PEAK1: variants seen among roughly 807,000 people sequenced by gnomAD.
PEAK1 encodes the protein inactive tyrosine-protein kinase PEAK1.
PEAK1 carries 54 observed loss-of-function variants against 124.7 expected under a neutral mutation model. The ratio of observed to expected loss-of-function variants is 0.43; its 90% confidence interval spans 0.35 to 0.54. The LOEUF is 0.54. Among genes scored for constraint, PEAK1 ranks in the 20% least tolerant of loss-of-function variants. The probability of loss-of-function intolerance (pLI) is 0.01; values close to 1 mark genes in which losing one functional copy is unlikely to be tolerated. For synonymous variants in PEAK1, 719 were observed against 760.0 expected (o/e 0.95, Z 0.89); for missense variants, 2,046 against 2,134.5 (o/e 0.96, Z 0.82).
At chr15:77,141,405 G>T (rs1471531125) in intron 8 of PEAK1, among the ~76,000 whole-genome samples, 2 of 152,166 alleles carry the variant, frequency 1.3e-5, no homozygotes, top group African/African-American at 4.8e-5. Context: ...CAAATGGAAA[G>T]ATATCTTATG....
At chr15:77,377,455 T>C (rs1305715085) in intron 1 of PEAK1, among the ~76,000 whole-genome samples, 3 of 151,004 alleles carry the variant, frequency 2.0e-5, no homozygotes, top group African/African-American at 7.3e-5. Context: ...TTATATATAC[T>C]CTTTTTTTTT....
At chr15:77,401,426 A>G (rs2071369053) in intron 1 of PEAK1, 5 of 806,210 alleles carry the variant, frequency 6.2e-6, no homozygotes, top group Non-Finnish European at 7.5e-6. Context: ...TTCTTTCAAC[A>G]TTTTCCTAGA....
Position 77,112,575 on chromosome 15 carries a change from C to G in PEAK1, c.*1581G>C, listed in dbSNP as rs138707213. 2 of 151,730 alleles carry G rather than the reference C, an allele frequency of 1.3e-5. No homozygotes were observed. The highest frequency in any genetic ancestry group is 2.9e-5 in the Non-Finnish European group (2 of 67,946). 9.4% of individuals were successfully genotyped at this position (151,730 alleles called of 1,614,324 possible). Reference sequence around the variant, plus strand: ...CACACAAGTGTACACACACATTGTTCGAGTGACTCTTGGGATTTCAAGGTC... The same window carrying G: ...CACACAAGTGTACACACACATTGTTGGAGTGACTCTTGGGATTTCAAGGTC... On this transcript the variant is annotated 3_prime_UTR_variant, in exon 10 of 10. Coordinates refer to ENST00000682557, the MANE Select transcript of PEAK1 (RefSeq NM_001385026.1).
chr15:77,262,790 C>A (rs930727146), intron 5 of PEAK1, among the ~76,000 whole-genome samples: 1 of 152,040 alleles, frequency 6.6e-6, no homozygotes, highest in African/African-American at 2.4e-5. Flanking sequence ...CCCAAATCAA[C>A]AGAATATACA....
At chr15:77,335,182 G>A (rs2066122657) in intron 2 of PEAK1, 8 of 985,448 alleles carry the variant, frequency 8.1e-6, no homozygotes, top group Middle Eastern at 1.0e-3. Context: ...TAAGTTTACT[G>A]TCCCTCCCAA....
chr15:77,410,487 T>C (rs2072319412), intron 1 of PEAK1, among the ~76,000 whole-genome samples: 1 of 152,220 alleles, frequency 6.6e-6, no homozygotes, highest in Non-Finnish European at 1.5e-5. Context: ...GGATGTTACC[T>C]TACAGATTTA....
intron 1 of PEAK1, chr15:77,417,425 A>C: frequency 1.1e-6 from 1 of 904,192 alleles, no homozygotes; most frequent in Non-Finnish European, 1.3e-6. Flanking sequence ...TAATGAAAGG[A>C]CTAGGAAGGA....
chr15:77,280,981 G>A (rs1191314322), intron 5 of PEAK1, among the ~76,000 whole-genome samples: 1 of 152,068 alleles, frequency 6.6e-6, no homozygotes, highest in Non-Finnish European at 1.5e-5. Context: ...CCAACATGGT[G>A]AAACCCCATC....
intron 5 of PEAK1, among the ~76,000 whole-genome samples, chr15:77,270,335 A>T (rs925757012): frequency 2.1e-4 from 32 of 152,160 alleles, no homozygotes; most frequent in Admixed American, 3.9e-4. Context: ...GAGGAAGTCA[A>T]ATTGTCCCTG....
chr15:77,324,711 G>A (rs1567261140), intron 2 of PEAK1, among the ~76,000 whole-genome samples: 1 of 152,160 alleles, frequency 6.6e-6, no homozygotes, highest in Non-Finnish European at 1.5e-5. Context: ...AAAAGCAGGA[G>A]CAAGAACGGA....
chr15:77,247,726 T>A (rs972097489), intron 6 of PEAK1, among the ~76,000 whole-genome samples: 2 of 152,088 alleles, frequency 1.3e-5, no homozygotes, highest in Admixed American at 1.3e-4. Flanking sequence ...CCTGAAGTGA[T>A]CTGCCTGTCT....
At chr15:77,420,862 A>AAAGTGCTGCGGAAGAATTTTTGTCC, upstream of PEAK1, 1 of 398,788 alleles carries the variant, frequency 2.5e-6, no homozygotes, top group Admixed American at 4.4e-5. Context: ...ACACCAAAAT[A>AAAGTGCTGCGGAAGAATTTTTGTCC]AAGTGCTGCG....
At chr15:77,128,223 A>G (rs1165171366) in intron 9 of PEAK1, among the ~76,000 whole-genome samples, 2 of 152,238 alleles carry the variant, frequency 1.3e-5, no homozygotes, top group Admixed American at 6.5e-5. Flanking sequence ...ATGGGATTAT[A>G]CCAGCAAAGA....
chr15:77,266,422 G>C (rs1473400909), intron 5 of PEAK1, among the ~76,000 whole-genome samples: 1 of 152,074 alleles, frequency 6.6e-6, no homozygotes, highest in African/African-American at 2.4e-5. Flanking sequence ...AGTGTCACTG[G>C]AGGATGATTA....
rs552543007 is a variant in PEAK1 at position 77,402,683 on chromosome 15, T to C, written c.-666+17323A>G. On this transcript the variant is annotated intron_variant, in intron 1 of 9. Transcript: ENST00000682557. ...CCATAGTGTATCGTTTAGTTAATGG[T>C]TCCTAGTACACTGATAATATTCAAC... 1.2e-5 allele frequency: 12 copies of C among 985,346 alleles called. No homozygotes were observed. The South Asian group carries it at 5.2e-4, about 42-fold the overall frequency. The allele number at this position is 985,346 out of a possible 1,614,324, so 61.0% of individuals were successfully genotyped here.
intron 8 of PEAK1, among the ~76,000 whole-genome samples, chr15:77,145,996 A>C (rs944935015): frequency 1.3e-5 from 2 of 152,204 alleles, no homozygotes; most frequent in Non-Finnish European, 2.9e-5. Context: ...CTATAATTTC[A>C]ATCTTCGTCC....
chr15:77,335,153 G>A lies in PEAK1; in HGVS notation c.-603+30010C>T, dbSNP rs1228477645. 5.1e-6 allele frequency: 5 copies of A among 985,428 alleles called. No individual in the cohort carries two copies. The South Asian group carries it at 1.9e-4, about 37-fold the overall frequency. 61.0% of individuals were successfully genotyped at this position (985,428 alleles called of 1,614,324 possible). A position where few individuals can be genotyped will look rare whatever the true frequency, so the allele number is the denominator to read the frequency against. ...GCCAAGAGAGGGATTTAAACACTGT[G>A]CTTTGTAGGAACATGCATTAAGTTT... On this transcript the variant is annotated intron_variant, in intron 2 of 9. Coordinates refer to ENST00000682557, the MANE Select transcript of PEAK1 (RefSeq NM_001385026.1).
chr15:77,158,745 A>G, intron 7 of PEAK1, 49 bp from the exon 8 acceptor site: 2 of 1,575,372 alleles, frequency 1.3e-6, no homozygotes, highest in Non-Finnish European at 1.7e-6. Context: ...AGGTTCTACT[A>G]AAATTTAGAT....
chr15:77,341,398 G>T (rs887868851), intron 2 of PEAK1, among the ~76,000 whole-genome samples: 3 of 152,044 alleles, frequency 2.0e-5, no homozygotes, highest in Non-Finnish European at 1.5e-5. Flanking sequence ...TCCTCGGGAG[G>T]CTGAGGCAGA....
Sources: gnomAD v4.1 joint callset for allele counts (sites outside exome capture counted in the v4.1 genomes callset) on GRCh38, gnomAD v4.1.1 for gene constraint, MANE v1.5 for transcripts, NCBI Gene and HGNC (gene_info 2026-07-23, HGNC 2026-07-21) for gene names.